Variants in F11R observed in about 807,000 individuals in gnomAD.
F11R encodes junctional adhesion molecule A.
Under a neutral mutation model 39.3 loss-of-function variants are expected in F11R, and 27 were observed. The observed-to-expected ratio is 0.69, with a 90% confidence interval of 0.51 to 0.95. The LOEUF is 0.95. Ranked by LOEUF, F11R falls within the 40% of genes least tolerant of loss-of-function variation. The pLI is 0.00. For synonymous variants in F11R, 131 were observed against 144.9 expected (o/e 0.90, Z 0.69); for missense variants, 335 against 372.7 (o/e 0.90, Z 0.83).
At chr1:161,013,840 C>G (rs770095385) in intron 1 of F11R, among the ~76,000 whole-genome samples, 19 of 152,190 alleles carry the variant, frequency 1.2e-4, no homozygotes, top group South Asian at 4.1e-4. Context: ...TCAGCTCCCC[C>G]GCCACCCCAT....
Position 160,999,937 on chromosome 1 carries a change from G to C in F11R, c.633C>G (p.Ser211Arg), listed in dbSNP as rs1277017241. ...PLSASDTGEY[S>R]CEARNGYGTP... is the part of the protein sequence containing the mutation. The stretch of plus-strand genomic sequence containing the variant: ...TCCCATACCCATTCCGTGCCTCACA[G>C]CTGTATTCTCCAGTATCAGAGGCTG... The change falls in exon 6 of 10, where the codon AGC becomes AGG. Residue 211 changes from serine (S) to arginine (R), a missense_variant. Physicochemically the swap from Ser to Arg is moderately radical, Grantham distance 110 (BLOSUM62 -1). Coordinates refer to ENST00000368026, the MANE Select transcript of F11R (RefSeq NM_016946.6). 6.2e-7 allele frequency: 1 copy of C among 1,614,100 alleles called. No individual in the cohort carries two copies. Among genetic ancestry groups the C allele is most frequent in the Non-Finnish European group, 8.5e-7 (1 of 1,180,044 alleles).
intron 1 of F11R, among the ~76,000 whole-genome samples, chr1:161,003,827 C>T (rs186725259): frequency 2.3e-4 from 35 of 151,984 alleles, no homozygotes; most frequent in African/African-American, 7.5e-4. Flanking sequence ...TGCAGTGGCG[C>T]AATCTAGACT....
At chr1:160,999,194 G>T in intron 8 of F11R, 103 bp from the exon 9 acceptor site, 2 of 1,535,918 alleles carry the variant, frequency 1.3e-6, no homozygotes, top group Non-Finnish European at 1.8e-6. Context: ...CAGAAGCACA[G>T]AGTGCGCAGC....
chr1:161,007,178 A>G (rs1287196894), intron 1 of F11R, among the ~76,000 whole-genome samples: 1 of 140,846 alleles, frequency 7.1e-6, no homozygotes, highest in Non-Finnish European at 1.5e-5. Context: ...AAAAAAAAAA[A>G]AAAAATGCTG....
At chr1:161,005,906 A>G (rs1275352460) in intron 1 of F11R, among the ~76,000 whole-genome samples, 1 of 152,096 alleles carries the variant, frequency 6.6e-6, no homozygotes, top group East Asian at 1.9e-4. Flanking sequence ...TGGGAGGCTG[A>G]GGCGGGCAGG....
At chr1:161,010,201 T>C (rs1237117222) in intron 1 of F11R, among the ~76,000 whole-genome samples, 1 of 151,902 alleles carries the variant, frequency 6.6e-6, no homozygotes, top group Non-Finnish European at 1.5e-5. Context: ...ATCCCAGAAC[T>C]TTGAGAGTCC....
At chr1:161,012,600 TTTTATTTA>T (rs10649944) in intron 1 of F11R, among the ~76,000 whole-genome samples, 3,314 of 144,216 alleles carry the variant, frequency 0.023, 59 homozygotes, top group Non-Finnish European at 0.037. Flanking sequence ...AATTAATTAA[TTTTATTTA>T]TTTATTTATT....
In F11R at chr1:161,000,744, G is replaced by A; in HGVS notation, c.275C>T (p.Thr92Ile). ...TGTCACGGACTTGAAGGTGATACCA[G>A]TTGGCAAGAAGGTCACCCGGTCCTC... Reference protein sequence around the residue: ...SYEDRVTFLPTGITFKSVTRE... With the variant: ...SYEDRVTFLPIGITFKSVTRE... The change falls in exon 4 of 10, where the codon ACT (threonine) becomes ATT (isoleucine). Residue 92 changes from threonine to isoleucine, a missense_variant. Transcript: ENST00000368026. 1 of 1,614,162 alleles carries A rather than the reference G, an allele frequency of 6.2e-7. No individual in the cohort carries two copies. The highest frequency in any genetic ancestry group is 1.1e-5 in the South Asian group (1 of 91,072).
At position 160,998,021 on chromosome 1, in the gene F11R, T is replaced by C. The variant is rs1308794313; in HGVS notation, c.*850A>G. ...TCTTGTTGCCAGGCTCCTGAGCAGC[T>C]GGGATTACAGGCATGCACCACTATG... On this transcript the variant is annotated 3_prime_UTR_variant, in exon 10 of 10. Coordinates refer to ENST00000368026, the MANE Select transcript of F11R (RefSeq NM_016946.6). 1.3e-5 allele frequency: 2 copies of C among 152,182 alleles called. No individual in the cohort carries two copies. Among genetic ancestry groups the C allele is most frequent in the African/African-American group, 2.4e-5 (1 of 41,344 alleles). The allele number at this position is 152,182 out of a possible 1,614,324, so 9.4% of individuals were successfully genotyped here. A position where few individuals can be genotyped will look rare whatever the true frequency, so the allele number is the denominator to read the frequency against.
chr1:161,010,279 A>G (rs541003019), intron 1 of F11R, among the ~76,000 whole-genome samples: 2 of 151,982 alleles, frequency 1.3e-5, no homozygotes, highest in African/African-American at 4.8e-5. Context: ...CCCCGTCTCT[A>G]CTAAAAATAC....
intron 1 of F11R, among the ~76,000 whole-genome samples, chr1:161,010,361 T>A (rs1649070493): frequency 1.4e-5 from 2 of 145,444 alleles, no homozygotes; most frequent in South Asian, 4.3e-4. Flanking sequence ...GGAGAATTGC[T>A]TGAAGCCGAG....
At position 161,001,287 on chromosome 1, in the gene F11R, T is replaced by C; in HGVS notation, c.131A>G (p.Asn44Ser). 1.2e-6 allele frequency: 2 copies of C among 1,613,968 alleles called. No individual in the cohort carries two copies. The highest frequency in any genetic ancestry group is 1.1e-5 in the South Asian group (1 of 91,066). ...SEPEVRIPEN[N>S]PVKLSCAYSG... The stretch of plus-strand genomic sequence containing the variant: ...CTCCATGGCCCCTCCCAACTCACGA[T>C]TATTCTCAGGAATTCTGACTTCAGG... The change falls in exon 2 of 10, where the codon AAT becomes AGT. Residue 44 changes from asparagine to serine, a missense_variant and splice_region_variant. By Grantham distance (46) the Asn-to-Ser change is conservative. Transcript: ENST00000368026.
intron 9 of F11R, 61 bp from the exon 10 acceptor site, chr1:160,998,967 A>G: frequency 6.2e-7 from 1 of 1,613,624 alleles, no homozygotes; most frequent in Non-Finnish European, 8.5e-7. Flanking sequence ...AATCCCCAAA[A>G]CACATAAACA....
intron 1 of F11R, among the ~76,000 whole-genome samples, chr1:161,003,121 G>GTTTT (rs1240695928): frequency 1.1e-4 from 7 of 61,816 alleles, no homozygotes; most frequent in African/African-American, 2.8e-4. Context: ...GCTAATTTTT[G>GTTTT]TATTTTTTTT....
At chr1:161,020,965 C>T (rs1312196511) in intron 1 of F11R, 45 bp downstream of exon 1, 2 of 1,593,576 alleles carry the variant, frequency 1.3e-6, no homozygotes, top group Non-Finnish European at 1.7e-6. Flanking sequence ...TTCCTCCAAC[C>T]TCTGACCCGA....
chr1:161,019,487 C>T (rs973065375), intron 1 of F11R, among the ~76,000 whole-genome samples: 2 of 150,402 alleles, frequency 1.3e-5, no homozygotes, highest in African/African-American at 2.4e-5. Flanking sequence ...TCCAGCTACT[C>T]GGGAGGCTGA....
chr1:161,017,814 A>G (rs899738284), intron 1 of F11R, among the ~76,000 whole-genome samples: 1 of 152,084 alleles, frequency 6.6e-6, no homozygotes, highest in Non-Finnish European at 1.5e-5. Context: ...ACACCAGTCT[A>G]CGGTTTTGAG....
chr1:160,998,700 G>C lies in F11R; in HGVS notation c.*171C>G. 1.6e-6 allele frequency: 1 copy of C among 644,214 alleles called. No individual in the cohort carries two copies. The allele number at this position is 644,214 out of a possible 1,614,324, so 39.9% of individuals were successfully genotyped here. On this transcript the variant is annotated 3_prime_UTR_variant, in exon 10 of 10. Transcript: ENST00000368026. ...TAGGAAAGGGAGGGAGGGCATGAAG[G>C]AGGATGGGGCACATAGCTGACATTA...
chr1:161,008,648 T>G (rs1360514810), intron 1 of F11R, among the ~76,000 whole-genome samples: 3 of 152,224 alleles, frequency 2.0e-5, no homozygotes, highest in African/African-American at 7.2e-5. Context: ...AGTTGGGTGA[T>G]TCTATCGTTA....
Sources: allele counts gnomAD v4.1 joint callset (sites outside exome capture counted in the v4.1 genomes callset), GRCh38; gene constraint gnomAD v4.1.1; transcripts MANE v1.5; gene names NCBI Gene and HGNC (gene_info 2026-07-23, HGNC 2026-07-21).